The following SBF2 variants were observed in gnomAD, a reference collection of about 807,000 sequenced individuals.
SBF2 encodes the protein myotubularin-related protein 13.
A neutral mutation model predicts 225.2 loss-of-function variants in SBF2; 112 were observed. That is an observed-to-expected ratio of 0.50 (90% CI 0.43 to 0.58). SBF2 has a LOEUF of 0.58. Ranked by LOEUF, SBF2 falls within the 20% of genes least tolerant of loss-of-function variation. SBF2 has a pLI of 0.00. For synonymous variants in SBF2, 763 were observed against 773.3 expected (o/e 0.99, Z 0.22); for missense variants, 1,996 against 2,206.2 (o/e 0.90, Z 1.91).
At position 10,173,527 on chromosome 11, in the gene SBF2, C is replaced by G. The variant is rs969626255; in HGVS notation, c.141+20375G>C. Among the ~76,000 whole-genome samples, 4 of 152,366 alleles carry G rather than the reference C, an allele frequency of 2.6e-5. No homozygotes were observed. In the East Asian group the frequency reaches 7.7e-4, roughly 29 times the overall value. ...AGGGTCCTACGCCCACGGAGTCTCG[C>G]TGATTGCTAGCACAGCAGTCTGAGA... On this transcript the variant is annotated intron_variant, in intron 2 of 39. Transcript: ENST00000256190.
chr11:9,824,561 C>CAAAAAAAA (rs112827651), intron 28 of SBF2, among the ~76,000 whole-genome samples: 4 of 61,756 alleles, frequency 6.5e-5, no homozygotes, highest in Non-Finnish European at 6.6e-5. Flanking sequence ...GACTCCATCT[C>CAAAAAAAA]AAAAAAAAAA....
At position 9,790,851 on chromosome 11, in the gene SBF2, T is replaced by A. The variant is rs2133862115; in HGVS notation, c.4571-168A>T. The A allele has an allele frequency of 5.4e-6, 3 of 555,890 alleles. No individual in the cohort carries two copies. The South Asian group carries it at 6.2e-5, about 11-fold the overall frequency. The allele number at this position is 555,890 out of a possible 1,614,324, so 34.4% of individuals were successfully genotyped here. A position where few individuals can be genotyped will look rare whatever the true frequency, so the allele number is the denominator to read the frequency against. ...ATAACTGCAAAGCTAAAGACCGGAATGAATTTCATCGCTACAGGGAAACAG... is the reference window on the plus strand; with the variant it reads ...ATAACTGCAAAGCTAAAGACCGGAAAGAATTTCATCGCTACAGGGAAACAG... On this transcript the variant is annotated intron_variant, in intron 33 of 39. Transcript: ENST00000256190.
At chr11:10,287,034 C>A (rs1162262492) in intron 1 of SBF2, among the ~76,000 whole-genome samples, 1 of 152,120 alleles carries the variant, frequency 6.6e-6, no homozygotes, top group Non-Finnish European at 1.5e-5. Context: ...ATGGATAAAT[C>A]GTATCATACT....
intron 2 of SBF2, among the ~76,000 whole-genome samples, chr11:10,064,239 C>T (rs1950555714): frequency 6.6e-6 from 1 of 151,868 alleles, no homozygotes; most frequent in African/African-American, 2.4e-5. Context: ...AGTTCTTATA[C>T]TATAGGAAAA....
intron 27 of SBF2, among the ~76,000 whole-genome samples, chr11:9,830,141 A>G (rs1855300458): frequency 6.6e-6 from 1 of 152,254 alleles, no homozygotes; most frequent in South Asian, 2.1e-4. Flanking sequence ...GTTGATGGGC[A>G]TATAAGCCTG....
intron 2 of SBF2, among the ~76,000 whole-genome samples, chr11:10,080,770 CATA>C (rs1357882572): frequency 6.6e-6 from 1 of 151,964 alleles, no homozygotes; most frequent in Non-Finnish European, 1.5e-5. Context: ...GGTAAAAAAA[CATA>C]TTCCATGCAA....
chr11:10,231,378 A>G (rs950206323), intron 1 of SBF2, among the ~76,000 whole-genome samples: 1 of 152,154 alleles, frequency 6.6e-6, no homozygotes, highest in Admixed American at 6.6e-5. Flanking sequence ...GAGGAGGAGA[A>G]GCGCTCTGAT....
chr11:10,302,771 T>A (rs72851650), intron 1 of SBF2: 3 of 136,010 alleles, frequency 2.2e-5, no homozygotes, highest in South Asian at 2.8e-4. Context: ...GGCAGCGAGG[T>A]GGCAGCGAGG....
chr11:9,879,112 T>G (rs182873322), intron 17 of SBF2, among the ~76,000 whole-genome samples: 51 of 152,374 alleles, frequency 3.3e-4, no homozygotes, highest in Admixed American at 1.4e-3. Flanking sequence ...ATTGATTTTC[T>G]GCCATAATAA....
intron 16 of SBF2, among the ~76,000 whole-genome samples, chr11:9,922,267 A>C (rs949737962): frequency 2.0e-5 from 3 of 152,130 alleles, no homozygotes; most frequent in Non-Finnish European, 4.4e-5. Context: ...GAAAAAGGAA[A>C]AAAAGAAAAA....
At chr11:10,138,090 T>C (rs1397995631) in intron 2 of SBF2, among the ~76,000 whole-genome samples, 1 of 152,186 alleles carries the variant, frequency 6.6e-6, no homozygotes, top group Non-Finnish European at 1.5e-5. Flanking sequence ...AAACATTTAA[T>C]ATAATTATCT....
Position 10,260,791 on chromosome 11 carries a change from G to A in SBF2, c.55+33224C>T, listed in dbSNP as rs1390477426. ...ATCTACTCAGGAGGTTAAGACAGGA[G>A]GATTGCTTGAGCCCAGGAGTCTGAC... On this transcript the variant is annotated intron_variant, in intron 1 of 39. Transcript: ENST00000256190. 2.0e-5 allele frequency among the ~76,000 whole-genome samples: 3 copies of A among 151,882 alleles called. No homozygotes were observed. In the East Asian group the frequency reaches 5.8e-4, roughly 29 times the overall value.
chr11:10,123,723 CATAA>C (rs1192592901), intron 2 of SBF2, among the ~76,000 whole-genome samples: 1 of 151,814 alleles, frequency 6.6e-6, no homozygotes, highest in Non-Finnish European at 1.5e-5. Context: ...CTTCCACTAA[CATAA>C]ATAAGCTTTA....
In SBF2 at chr11:9,917,297, CCTT is replaced by C. The variant is rs539999154; in HGVS notation, c.1861-21289_1861-21287del. Among the ~76,000 whole-genome samples the C allele has an allele frequency of 4.3e-3, 646 of 151,636 alleles. 23 individuals are homozygous for C. Among genetic ancestry groups the C allele is most frequent in the African/African-American group, 0.015 (623 of 41,090 alleles). ...TGATTTCCTTCCTTGGCCTCTGTGA[CCTT>C]CTTTTGTCTCAGGTCCCATTACAAG... On this transcript the variant is annotated intron_variant, in intron 16 of 39. Coordinates refer to ENST00000256190, the MANE Select transcript of SBF2 (RefSeq NM_030962.4).
chr11:10,118,888 C>T (rs1055293299), intron 2 of SBF2, among the ~76,000 whole-genome samples: 2 of 143,780 alleles, frequency 1.4e-5, no homozygotes, highest in African/African-American at 5.1e-5. Context: ...TGCTGATCAC[C>T]TGAAGTACTG....
At chr11:10,226,362 G>A (rs975077424) in intron 1 of SBF2, among the ~76,000 whole-genome samples, 24 of 151,958 alleles carry the variant, frequency 1.6e-4, no homozygotes, top group Non-Finnish European at 2.9e-4. Flanking sequence ...TAAGTTTTAG[G>A]GTACATGTGC....
At chr11:9,958,131 C>G (rs776008389) in intron 16 of SBF2, 53 of 152,158 alleles carry the variant, frequency 3.5e-4, no homozygotes, top group African/African-American at 1.1e-3. Context: ...CAGTCTGTTC[C>G]GATAGCTACG....
At chr11:9,786,695 C>A (rs557933948) in intron 36 of SBF2, among the ~76,000 whole-genome samples, 1 of 152,170 alleles carries the variant, frequency 6.6e-6, no homozygotes, top group East Asian at 1.9e-4. Context: ...TACCAGTTGC[C>A]ACTGTATGCT....
chr11:10,229,390 T>C (rs1475088750), intron 1 of SBF2, among the ~76,000 whole-genome samples: 1 of 152,240 alleles, frequency 6.6e-6, no homozygotes, highest in African/African-American at 2.4e-5. Context: ...TTTCTAGTTC[T>C]TTTAATTGTG....
Sources: allele counts gnomAD v4.1 joint callset (sites outside exome capture counted in the v4.1 genomes callset), GRCh38; gene constraint gnomAD v4.1.1; transcripts MANE v1.5; gene names NCBI Gene and HGNC (gene_info 2026-07-23, HGNC 2026-07-21).